The following ALK variants were observed in gnomAD, a reference collection of about 807,000 sequenced individuals.
ALK encodes ALK receptor tyrosine kinase, also known as ALK tyrosine kinase receptor.
A neutral mutation model predicts 163.1 loss-of-function variants in ALK; 74 were observed. The ratio of observed to expected loss-of-function variants is 0.45; its 90% CI spans 0.38 to 0.55. The LOEUF is 0.55. ALK is among the 20% of genes least tolerant of loss of function. The probability of loss-of-function intolerance (pLI) is 0.00; values close to 1 mark genes in which losing one functional copy is unlikely to be tolerated. For synonymous variants in ALK, 960 were observed against 843.2 expected, an observed-to-expected ratio of 1.14 and a Z score of -2.40; for missense variants, 2,063 against 2,105.3, an observed-to-expected ratio of 0.98 and a Z score of 0.39.
intron 1 of ALK, among the ~76,000 whole-genome samples, chr2:29,907,747 G>T (rs565639422): frequency 6.6e-6 from 1 of 151,678 alleles, no homozygotes; most frequent in Non-Finnish European, 1.5e-5. Context: ...CTCCCACATC[G>T]ATATCTTCAG....
At chr2:29,347,052 A>G (rs185297209) in intron 5 of ALK, among the ~76,000 whole-genome samples, 1 of 152,036 alleles carries the variant, frequency 6.6e-6, no homozygotes. Context: ...TTTGCATAGC[A>G]CTCTCCGTTT....
At chr2:29,369,638 T>C (rs1401286705) in intron 5 of ALK, among the ~76,000 whole-genome samples, 2 of 152,044 alleles carry the variant, frequency 1.3e-5, no homozygotes, top group Non-Finnish European at 2.9e-5. Flanking sequence ...GTTTCTTCCC[T>C]TCACAAAAGG....
chr2:29,299,487 C>T (rs1666304881), intron 8 of ALK, among the ~76,000 whole-genome samples: 2 of 152,210 alleles, frequency 1.3e-5, no homozygotes, highest in South Asian at 4.1e-4. Context: ...CCTGTTTTTA[C>T]CACTTTGGCC....
At chr2:29,462,897 T>C (rs1055931242) in intron 4 of ALK, among the ~76,000 whole-genome samples, 15 of 152,138 alleles carry the variant, frequency 9.9e-5, no homozygotes, top group Non-Finnish European at 2.2e-4. Flanking sequence ...ACCAAAGACT[T>C]AGGATCCAAT....
At chr2:29,598,667 A>T (rs1171554675) in intron 3 of ALK, among the ~76,000 whole-genome samples, 2 of 152,204 alleles carry the variant, frequency 1.3e-5, no homozygotes, top group Non-Finnish European at 2.9e-5. Flanking sequence ...TACAGAATAT[A>T]TACTATAATG....
intron 3 of ALK, among the ~76,000 whole-genome samples, chr2:29,575,952 T>C (rs1450946888): frequency 2.0e-5 from 3 of 152,046 alleles, no homozygotes; most frequent in Admixed American, 6.5e-5. Flanking sequence ...AGAGGAAATG[T>C]GTTTATATGA....
chr2:29,203,485 C>CCTTTTTTTTTT (rs1669232066), intron 26 of ALK, among the ~76,000 whole-genome samples: 1 of 32,544 alleles, frequency 3.1e-5, no homozygotes, highest in Non-Finnish European at 5.2e-5. Flanking sequence ...GAGGATGTGC[C>CCTTTTTTTTTT]TTTTTTTTTT....
intron 5 of ALK, among the ~76,000 whole-genome samples, chr2:29,334,822 T>G (rs78765595): frequency 0.049 from 7,505 of 152,296 alleles, 247 homozygotes; most frequent in Middle Eastern, 0.075. Context: ...CCTGGTACTG[T>G]GATCTCTACT....
chr2:29,877,848 G>A (rs1056431095), intron 1 of ALK, among the ~76,000 whole-genome samples: 13 of 152,280 alleles, frequency 8.5e-5, no homozygotes, highest in Admixed American at 8.5e-4. Context: ...TTTTCCCCAT[G>A]GAATGACTGG....
intron 1 of ALK, among the ~76,000 whole-genome samples, chr2:29,847,717 G>A (rs1023627680): frequency 2.6e-4 from 39 of 150,898 alleles, no homozygotes; most frequent in South Asian, 2.1e-4. Flanking sequence ...TCATTCATTC[G>A]TTTATAAACT....
intron 8 of ALK, 115 bp downstream of exon 8, chr2:29,318,189 C>A: frequency 1.2e-6 from 1 of 822,934 alleles, no homozygotes; most frequent in South Asian, 1.4e-5. Flanking sequence ...CCCTCTTGTT[C>A]TCTCCCCAGG....
At chr2:29,866,138 A>G (rs151076617) in intron 1 of ALK, among the ~76,000 whole-genome samples, 1 of 152,336 alleles carries the variant, frequency 6.6e-6, no homozygotes, top group East Asian at 1.9e-4. Context: ...GGAGAAAGCA[A>G]GGAAAATCTG....
chr2:29,354,148 C>A (rs1011848479), intron 5 of ALK, among the ~76,000 whole-genome samples: 5 of 152,114 alleles, frequency 3.3e-5, no homozygotes, highest in Admixed American at 1.3e-4. Flanking sequence ...CTTTAAGGGG[C>A]TAAGAAAAGA....
intron 3 of ALK, among the ~76,000 whole-genome samples, chr2:29,619,309 C>G (rs1461220154): frequency 6.6e-6 from 1 of 152,222 alleles, no homozygotes; most frequent in African/African-American, 2.4e-5. Context: ...GCCTTAACCT[C>G]TCTAGGCCTC....
intron 1 of ALK, among the ~76,000 whole-genome samples, chr2:29,851,253 T>C (rs539161453): frequency 1.3e-4 from 20 of 152,338 alleles, no homozygotes; most frequent in Admixed American, 7.8e-4. Flanking sequence ...TGGCTTTCAA[T>C]TGACCAGAGC....
chr2:29,211,734 A>C (rs1314624473), intron 24 of ALK, among the ~76,000 whole-genome samples: 1 of 152,142 alleles, frequency 6.6e-6, no homozygotes, highest in African/African-American at 2.4e-5. Context: ...GAACATGTAA[A>C]AGACGTTTTT....
At chr2:29,678,606 G>T (rs1677963732) in intron 3 of ALK, among the ~76,000 whole-genome samples, 1 of 151,288 alleles carries the variant, frequency 6.6e-6, no homozygotes, top group African/African-American at 2.4e-5. Flanking sequence ...GGATTTCTGA[G>T]ATTTCTTTCA....
chr2:29,258,669 A>C (rs1402106977), intron 11 of ALK, among the ~76,000 whole-genome samples: 1 of 152,228 alleles, frequency 6.6e-6, no homozygotes. Flanking sequence ...CACAATTACT[A>C]TTCTCTGAAA....
At chr2:29,520,534 G>T (rs1672783086) in intron 4 of ALK, among the ~76,000 whole-genome samples, 1 of 152,222 alleles carries the variant, frequency 6.6e-6, no homozygotes, top group Non-Finnish European at 1.5e-5. Flanking sequence ...AACACTCATA[G>T]AGATGTGGAA....
Sources: gnomAD v4.1 joint callset for allele counts (sites outside exome capture counted in the v4.1 genomes callset) on GRCh38, gnomAD v4.1.1 for gene constraint, MANE v1.5 for transcripts, NCBI Gene and HGNC (gene_info 2026-07-23, HGNC 2026-07-21) for gene names.